CNTN6: variants seen among roughly 807,000 people sequenced by gnomAD.
CNTN6 encodes the protein contactin 6, also known as contactin-6.
CNTN6 carries 137 observed loss-of-function variants against 122.8 expected under a neutral mutation model. That is an observed-to-expected ratio of 1.12 (90% CI 0.97 to 1.29). The LOEUF is 1.29. Ranked by LOEUF, CNTN6 falls within the 50% of genes most tolerant of loss-of-function variation. The pLI, the probability that CNTN6 is intolerant of heterozygous loss-of-function variation, is 0.00. For missense variants in CNTN6, 1,634 were observed against 1,223.4 expected (o/e 1.34, Z -5.01); for synonymous variants, 570 against 426.0 (o/e 1.34, Z -4.16).
intron 2 of CNTN6, among the ~76,000 whole-genome samples, chr3:1,150,526 C>G (rs370499323): frequency 6.6e-6 from 1 of 152,114 alleles, no homozygotes; most frequent in Non-Finnish European, 1.5e-5. Context: ...AAACTTAATC[C>G]ATACAGTCAT....
intron 2 of CNTN6, among the ~76,000 whole-genome samples, chr3:1,188,437 C>T (rs555498242): frequency 1.8e-4 from 28 of 152,086 alleles, no homozygotes; most frequent in Non-Finnish European, 3.2e-4. Context: ...GTTGATAATG[C>T]AATTATATTT....
intron 17 of CNTN6, among the ~76,000 whole-genome samples, chr3:1,382,208 C>A (rs1692002252): frequency 6.6e-6 from 1 of 151,724 alleles, no homozygotes; most frequent in African/African-American, 2.4e-5. Context: ...GGTCTAAATT[C>A]AAGTACAGAT....
chr3:1,332,201 C>T (rs1702384869), intron 11 of CNTN6, among the ~76,000 whole-genome samples: 1 of 151,966 alleles, frequency 6.6e-6, no homozygotes, highest in African/African-American at 2.4e-5. Flanking sequence ...ATTACAGTCA[C>T]TACATCTCCA....
Position 1,098,017 on chromosome 3 carries a change from C to T in CNTN6, c.-83+4897C>T, listed in dbSNP as rs148705658. ...ATATAGAGATGCTGGTCTCTGGATC[C>T]AACTAGATTAAAAATAGAAATGGTA... On this transcript the variant is annotated intron_variant, in intron 1 of 22. Coordinates refer to ENST00000446702, the MANE Select transcript of CNTN6 (RefSeq NM_001289080.2). 2.4e-3 allele frequency among the ~76,000 whole-genome samples: 352 copies of T among 146,698 alleles called. 2 individuals are homozygous for T. The highest frequency in any genetic ancestry group is 8.3e-3 in the African/African-American group (334 of 40,216).
intron 7 of CNTN6, among the ~76,000 whole-genome samples, chr3:1,311,161 T>G (rs1699172719): frequency 7.1e-6 from 1 of 140,786 alleles, no homozygotes; most frequent in African/African-American, 2.5e-5. Context: ...TATATATACA[T>G]AGGTGTATAT....
chr3:1,333,172 G>T (rs1342125064), intron 11 of CNTN6, among the ~76,000 whole-genome samples: 1 of 151,958 alleles, frequency 6.6e-6, no homozygotes, highest in Non-Finnish European at 1.5e-5. Context: ...AGGAGCCAGG[G>T]ACAGAGTATT....
chr3:1,125,615 G>T (rs1162240095), intron 1 of CNTN6, among the ~76,000 whole-genome samples: 1 of 151,720 alleles, frequency 6.6e-6, no homozygotes, highest in African/African-American at 2.4e-5. Flanking sequence ...ACTAGTTCTT[G>T]CTTATTGCCC....
At chr3:1,102,506 G>A (rs966989989) in intron 1 of CNTN6, among the ~76,000 whole-genome samples, 9 of 151,828 alleles carry the variant, frequency 5.9e-5, no homozygotes, top group South Asian at 2.1e-4. Context: ...CGAGGTGGGC[G>A]GATCACCAGG....
chr3:1,178,610 C>G (rs902969575), intron 2 of CNTN6, among the ~76,000 whole-genome samples: 14 of 152,180 alleles, frequency 9.2e-5, no homozygotes, highest in African/African-American at 3.1e-4. Context: ...TCCTTCCCCC[C>G]ACTGTTTTCT....
At chr3:1,366,881 G>A (rs534531992) in intron 12 of CNTN6, among the ~76,000 whole-genome samples, 1 of 151,988 alleles carries the variant, frequency 6.6e-6, no homozygotes, top group Admixed American at 6.6e-5. Flanking sequence ...CCTTTTTCTG[G>A]ATAATAAGCA....
intron 4 of CNTN6, among the ~76,000 whole-genome samples, chr3:1,245,238 A>AT (rs2094552217): frequency 3.8e-4 from 3 of 7,890 alleles, no homozygotes; most frequent in African/African-American, 2.0e-3. Context: ...ATATATATAC[A>AT]CACACACATA....
At chr3:1,243,497 C>T (rs1295038772) in intron 4 of CNTN6, among the ~76,000 whole-genome samples, 1 of 151,934 alleles carries the variant, frequency 6.6e-6, no homozygotes, top group Non-Finnish European at 1.5e-5. Context: ...ATGTCGGGAG[C>T]AGATTGCGTA....
intron 11 of CNTN6, among the ~76,000 whole-genome samples, chr3:1,339,131 A>G (rs922808759): frequency 2.0e-5 from 3 of 151,586 alleles, no homozygotes; most frequent in Non-Finnish European, 2.9e-5. Context: ...AACTTTTTAA[A>G]TTTTTTTTCA....
rs139342417 is a variant in CNTN6, at chr3:1,236,941, C to T, written c.358+8948C>T. 8.5e-3 allele frequency among the ~76,000 whole-genome samples: 1,297 copies of T among 151,890 alleles called. 17 individuals are homozygous for T. The highest frequency in any genetic ancestry group is 8.2e-3 in the Non-Finnish European group (556 of 67,970). On this transcript the variant is annotated intron_variant, in intron 4 of 22. Coordinates refer to ENST00000446702, the MANE Select transcript of CNTN6 (RefSeq NM_001289080.2). ...TAAAAAATACATAAAATTAGCCAAG[C>T]GTGGTGGTGGGCGCCTGTAGTGCCA...
At chr3:1,388,379 CAG>C (rs920863345) in intron 20 of CNTN6, among the ~76,000 whole-genome samples, 3 of 149,618 alleles carry the variant, frequency 2.0e-5, no homozygotes, top group African/African-American at 7.4e-5. Context: ...AACTAACAAA[CAG>C]AAAGGACATC....
At chr3:1,136,502 A>G (rs971659273) in intron 1 of CNTN6, among the ~76,000 whole-genome samples, 1 of 152,138 alleles carries the variant, frequency 6.6e-6, no homozygotes, top group Non-Finnish European at 1.5e-5. Context: ...AGATACAGAA[A>G]TCCTGCAGGA....
At chr3:1,167,801 A>G (rs182353192) in intron 2 of CNTN6, among the ~76,000 whole-genome samples, 1 of 152,364 alleles carries the variant, frequency 6.6e-6, no homozygotes, top group East Asian at 1.9e-4. Context: ...AACAGAGTGA[A>G]GGGATGCTAA....
At chr3:1,274,768 T>C (rs897710402) in intron 4 of CNTN6, among the ~76,000 whole-genome samples, 1 of 152,176 alleles carries the variant, frequency 6.6e-6, no homozygotes, top group Non-Finnish European at 1.5e-5. Context: ...CAGAGGAAAA[T>C]GTATGGTTGG....
At chr3:1,102,605 G>A (rs1007141605) in intron 1 of CNTN6, among the ~76,000 whole-genome samples, 1 of 148,754 alleles carries the variant, frequency 6.7e-6, no homozygotes. Flanking sequence ...GGCGGCGCCT[G>A]TAGTCCCAGC....
Sources: allele counts gnomAD v4.1 joint callset (sites outside exome capture counted in the v4.1 genomes callset), GRCh38; gene constraint gnomAD v4.1.1; transcripts MANE v1.5; gene names NCBI Gene and HGNC (gene_info 2026-07-23, HGNC 2026-07-21).